The following SBNO1 variants were observed in gnomAD, a reference collection of about 807,000 sequenced individuals.
SBNO1 encodes protein strawberry notch homolog 1.
Under a neutral mutation model 173.6 loss-of-function variants are expected in SBNO1, and 23 were observed. The ratio of observed to expected loss-of-function variants is 0.13; its 90% confidence interval spans 0.10 to 0.19. The LOEUF is 0.19. Among genes scored for constraint, SBNO1 ranks in the 10% least tolerant of loss-of-function variants. The probability of loss-of-function intolerance (pLI) is 1.00; values close to 1 mark genes in which losing one functional copy is unlikely to be tolerated. For missense variants in SBNO1, 1,238 were observed against 1,671.2 expected (o/e 0.74, Z 4.52); for synonymous variants, 632 against 571.5 (o/e 1.11, Z -1.51).
At chr12:123,350,567 C>T (rs975276465) in intron 1 of SBNO1, 126 bp from the exon 2 acceptor site, 3 of 753,390 alleles carry the variant, frequency 4.0e-6, no homozygotes, top group Non-Finnish European at 6.7e-6. Flanking sequence ...GAAGAACCTG[C>T]CATGTCTCAG....
In SBNO1 at chr12:123,330,430, A is replaced by C. The variant is rs372395050; in HGVS notation, c.1123T>G (p.Ser375Ala). Residue 375 changes from serine (S) to alanine (A), a missense_variant, in exon 9 of 32, where the codon TCG becomes GCG. Transcript: ENST00000602398. ...DIGAKNILVHSLNKFKYGKIS... is the reference protein window; with the variant it reads ...DIGAKNILVHALNKFKYGKIS... ...AAAAGATTTCATACCTTATTTAACG[A>C]ATGAACCAAAATGTTTTTTGCTCCA... 7.6e-6 allele frequency: 12 copies of C among 1,574,740 alleles called. No homozygotes were observed. The Admixed American group carries it at 1.0e-4, about 13-fold the overall frequency.
chr12:123,304,540 G>GT, intron 29 of SBNO1, 42 bp downstream of exon 29: 1 of 1,427,444 alleles, frequency 7.0e-7, no homozygotes, highest in Admixed American at 1.8e-5. Context: ...CTGGCCCAAA[G>GT]TAAGTATTCC....
At position 123,326,174 on chromosome 12, in the gene SBNO1, C is replaced by T. The variant is rs1870596503; in HGVS notation, c.1853G>A (p.Arg618Gln). The T allele has an allele frequency of 1.2e-6, 2 of 1,607,460 alleles. No individual in the cohort carries two copies. Among genetic ancestry groups the T allele is most frequent in the Non-Finnish European group, 1.7e-6 (2 of 1,176,426 alleles). ...SKVKRVVQLA[R>Q]EEIKNGKCVV... Reference sequence around the variant, plus strand: ...TACTTTTCCATTCTTGATTTCCTCTCGAGCTAGTTGCACAACCCTTTTAAC... The same window carrying T: ...TACTTTTCCATTCTTGATTTCCTCTTGAGCTAGTTGCACAACCCTTTTAAC... Residue 618 changes from arginine (R) to glutamine (Q), a missense_variant, in exon 14 of 32, where the codon CGA becomes CAA. Around this residue, in one of 14 missense-constraint regions of SBNO1, gnomAD observed 182 missense variants for 339.9 expected, o/e 0.54. Coordinates refer to ENST00000602398, the MANE Select transcript of SBNO1 (RefSeq NM_001167856.3).
intron 24 of SBNO1, among the ~76,000 whole-genome samples, chr12:123,313,200 TAAAA>T (rs1016244006): frequency 4.1e-5 from 5 of 122,902 alleles, no homozygotes; most frequent in Non-Finnish European, 6.7e-5. Flanking sequence ...GACTCGGTCT[TAAAA>T]TAAATAAATA....
At chr12:123,313,582 T>C in intron 24 of SBNO1, 38 bp downstream of exon 24, 2 of 1,086,246 alleles carry the variant, frequency 1.8e-6, no homozygotes, top group East Asian at 2.4e-5. Context: ...TCTTTGTCAA[T>C]AATCATTGTC....
Position 123,320,830 on chromosome 12 carries a change from T to C in SBNO1, c.2360A>G (p.Lys787Arg), listed in dbSNP as rs768628769. 7 of 1,594,068 alleles carry C rather than the reference T, an allele frequency of 4.4e-6. No individual in the cohort carries two copies. Among genetic ancestry groups the C allele is most frequent in the Admixed American group, 1.8e-5 (1 of 55,944 alleles). ...TATACTTTTCTTCTTTTTTTTCTCT[T>C]TGTTTTTCTTGTGGTCTTTTCTAAT... ...WLIRKDHKKN[K>R]EKKKKKSIDP... Residue 787 changes from lysine (K) to arginine (R), a missense_variant, in exon 18 of 32, where the codon AAA (lysine) becomes AGA (arginine). Lys to Arg is a conservative substitution (Grantham distance 26). Around this residue, in one of 14 missense-constraint regions of SBNO1, gnomAD observed 33 missense variants for 29.6 expected, o/e 1.11. Transcript: ENST00000602398.
intron 1 of SBNO1, among the ~76,000 whole-genome samples, chr12:123,360,860 C>T (rs1447866133): frequency 6.6e-6 from 1 of 152,160 alleles, no homozygotes; most frequent in Non-Finnish European, 1.5e-5. Context: ...CACGTGTAAT[C>T]CCAGCATTTT....
chr12:123,318,902 A>G (rs1593355160), intron 20 of SBNO1, among the ~76,000 whole-genome samples: 1 of 152,132 alleles, frequency 6.6e-6, no homozygotes, highest in South Asian at 2.1e-4. Context: ...GGACACACAT[A>G]AATATTTTAG....
intron 1 of SBNO1, among the ~76,000 whole-genome samples, chr12:123,355,323 C>A (rs1464054232): frequency 6.7e-6 from 1 of 148,342 alleles, no homozygotes; most frequent in Non-Finnish European, 1.5e-5. Flanking sequence ...CCAGCTGAGA[C>A]CCTGTTTCTT....
chr12:123,324,127 C>T (rs1870321758), intron 15 of SBNO1, among the ~76,000 whole-genome samples: 2 of 152,102 alleles, frequency 1.3e-5, no homozygotes, highest in Admixed American at 1.3e-4. Flanking sequence ...CATGTCAACA[C>T]ATATGTTTTA....
chr12:123,341,222 G>A (rs745672709), intron 4 of SBNO1, 134 bp from the exon 5 acceptor site: 122 of 564,932 alleles, frequency 2.2e-4, no homozygotes, highest in Non-Finnish European at 3.3e-4. Context: ...ACACCAAGGC[G>A]GGTGAATTAC....
At chr12:123,327,003 TTTTG>T (rs1272028879) in intron 13 of SBNO1, among the ~76,000 whole-genome samples, 2 of 150,654 alleles carry the variant, frequency 1.3e-5, no homozygotes, top group African/African-American at 2.4e-5. Flanking sequence ...TGTTTTTGTT[TTTTG>T]TTTTTGTTTT....
intron 16 of SBNO1, 122 bp from the exon 17 acceptor site, chr12:123,321,854 G>A: frequency 1.3e-6 from 1 of 795,334 alleles, no homozygotes; most frequent in Non-Finnish European, 2.0e-6. Context: ...TTTAGGTTAA[G>A]TCAAAAAACA....
At chr12:123,355,389 T>C (rs531112024) in intron 1 of SBNO1, among the ~76,000 whole-genome samples, 2 of 152,230 alleles carry the variant, frequency 1.3e-5, no homozygotes, top group Admixed American at 1.3e-4. Flanking sequence ...GTGGCTCCCC[T>C]GAGGTCACAA....
In SBNO1 at chr12:123,348,010, G is replaced by GA. The variant is rs752247953; in HGVS notation, c.237+18dup. ...TCTAAACTATTTTAGAAGTAACGAC[G>GA]AATCTAAATCATTCTTACCCTCACA... On this transcript the variant is annotated intron_variant, in intron 3 of 31. Coordinates refer to ENST00000602398, the MANE Select transcript of SBNO1 (RefSeq NM_001167856.3). 3.8e-5 allele frequency: 55 copies of GA among 1,457,502 alleles called. No homozygotes were observed. Among genetic ancestry groups the GA allele is most frequent in the Non-Finnish European group, 5.3e-5 (55 of 1,043,066 alleles). 90.3% of individuals were successfully genotyped at this position (1,457,502 alleles called of 1,614,324 possible).
At chr12:123,302,244 T>C (rs1233753959) in intron 30 of SBNO1, among the ~76,000 whole-genome samples, 1 of 139,294 alleles carries the variant, frequency 7.2e-6, no homozygotes, top group East Asian at 2.4e-4. Flanking sequence ...TATTGTTTTT[T>C]TTTTTGTTTT....
chr12:123,301,276 C>T (rs1168696945), intron 30 of SBNO1, among the ~76,000 whole-genome samples: 2 of 152,230 alleles, frequency 1.3e-5, no homozygotes, highest in East Asian at 3.9e-4. Context: ...AGTGCTGGTA[C>T]TACCAGCAAG....
intron 23 of SBNO1, 123 bp downstream of exon 23, chr12:123,315,250 A>G: frequency 1.4e-6 from 1 of 694,396 alleles, no homozygotes; most frequent in South Asian, 1.7e-5. Context: ...GGAAGCCATG[A>G]TTTTAAAGCA....
At chr12:123,338,593 G>GA in intron 5 of SBNO1, among the ~76,000 whole-genome samples, 2 of 152,206 alleles carry the variant, frequency 1.3e-5, no homozygotes, top group African/African-American at 2.4e-5. Context: ...GGCTGAGGAA[G>GA]AGAATTGCTT....
Sources: allele counts gnomAD v4.1 joint callset (sites outside exome capture counted in the v4.1 genomes callset), GRCh38; gene constraint gnomAD v4.1.1; regional missense constraint gnomAD v4.1.1; transcripts MANE v1.5; gene names NCBI Gene and HGNC (gene_info 2026-07-23, HGNC 2026-07-21).